AKAP6: variants seen among roughly 807,000 people sequenced by gnomAD.
The protein encoded by AKAP6 is A-kinase anchoring protein 6.
Under a neutral mutation model 188.5 loss-of-function variants are expected in AKAP6, and 58 were observed. The ratio of observed to expected loss-of-function variants is 0.31; its 90% CI spans 0.25 to 0.38. The LOEUF is 0.38. Ranked by LOEUF, AKAP6 falls within the 10% of genes least tolerant of loss-of-function variation. The probability of loss-of-function intolerance (pLI) is 1.00; values close to 1 mark genes in which losing one functional copy is unlikely to be tolerated. For missense variants in AKAP6, 2,710 were observed against 2,740.0 expected (o/e 0.99, Z 0.24); for synonymous variants, 989 against 998.6 (o/e 0.99, Z 0.18).
chr14:32,557,607 T>C (rs1324012409), intron 4 of AKAP6, among the ~76,000 whole-genome samples: 1 of 151,998 alleles, frequency 6.6e-6, no homozygotes. Flanking sequence ...GTTGATGGAG[T>C]GGTAGTGTGC....
chr14:32,821,413 T>A lies in AKAP6; in HGVS notation c.3600T>A (p.Asn1200Lys). Residue 1200 changes from asparagine to lysine, a missense_variant, in exon 13 of 14, where the codon AAT becomes AAA. Around this residue, in one of 2 missense-constraint regions of AKAP6, gnomAD observed 2,473 missense variants for 2,426.1 expected, o/e 1.02. Coordinates refer to ENST00000280979, the MANE Select transcript of AKAP6 (RefSeq NM_004274.5). Reference protein sequence around the residue: ...KKMGKESETLNVIDPGLMDLN... With the variant: ...KKMGKESETLKVIDPGLMDLN... ...TTTCTCTCACACAGGAGACTTTGAATGTGATTGATCCTGGCTTGATGGACC... is the reference window on the plus strand; with the variant it reads ...TTTCTCTCACACAGGAGACTTTGAAAGTGATTGATCCTGGCTTGATGGACC... 1 of 1,603,616 alleles carries A rather than the reference T, an allele frequency of 6.2e-7. No homozygotes were observed. The highest frequency in any genetic ancestry group is 8.5e-7 in the Non-Finnish European group (1 of 1,174,298).
At chr14:32,379,965 T>C (rs910351403) in intron 1 of AKAP6, among the ~76,000 whole-genome samples, 2 of 152,192 alleles carry the variant, frequency 1.3e-5, no homozygotes, top group Admixed American at 6.5e-5. Context: ...ACTTATCACA[T>C]CTTGGAGATG....
At chr14:32,731,654 T>C (rs1379599485) in intron 9 of AKAP6, among the ~76,000 whole-genome samples, 4 of 152,144 alleles carry the variant, frequency 2.6e-5, no homozygotes, top group Admixed American at 6.6e-5. Flanking sequence ...TGTACATTTA[T>C]AAAGTACAGT....
At position 32,568,867 on chromosome 14, in the gene AKAP6, AT is replaced by A. The variant is rs973753983; in HGVS notation, c.2347-8246del. Among the ~76,000 whole-genome samples the A allele has an allele frequency of 6.6e-6, 1 of 152,054 alleles. No homozygotes were observed. The highest frequency in any genetic ancestry group is 1.5e-5 in the Non-Finnish European group (1 of 68,002). On this transcript the variant is annotated intron_variant, in intron 4 of 13. Transcript: ENST00000280979. This position sits in a 1 kb window ranked among gnomAD's most constrained non-coding sequence, Gnocchi z 6.2. Reference sequence around the variant, plus strand: ...CTATTGTTTGTTCCAGTTTATTCCCATTTTTTTATTTGTACCTATTTTTATT... The same window carrying A: ...CTATTGTTTGTTCCAGTTTATTCCCATTTTTTATTTGTACCTATTTTTATT...
intron 12 of AKAP6, among the ~76,000 whole-genome samples, chr14:32,803,290 A>AC (rs1269078073): frequency 1.1e-4 from 11 of 98,084 alleles, no homozygotes; most frequent in African/African-American, 2.8e-4. Context: ...TAAAAAAAAA[A>AC]ACAAAACAAA....
intron 7 of AKAP6, among the ~76,000 whole-genome samples, chr14:32,605,040 G>A (rs961820534): frequency 6.6e-5 from 10 of 152,024 alleles, no homozygotes; most frequent in African/African-American, 2.2e-4. Context: ...TGTTCACATT[G>A]TTCAGCTCCC....
chr14:32,378,404 A>C (rs923049890), intron 1 of AKAP6, among the ~76,000 whole-genome samples: 1 of 152,164 alleles, frequency 6.6e-6, no homozygotes, highest in Admixed American at 6.5e-5. Context: ...TTCCATCTCC[A>C]TCCCTTCCCC....
In AKAP6 at chr14:32,689,400, G is replaced by C. The variant is rs113632807; in HGVS notation, c.2880-6590G>C. 7.0e-3 allele frequency among the ~76,000 whole-genome samples: 1,069 copies of C among 152,154 alleles called. 15 individuals are homozygous for C. Among genetic ancestry groups the C allele is most frequent in the African/African-American group, 0.025 (1,030 of 41,520 alleles). On this transcript the variant is annotated intron_variant, in intron 8 of 13. Coordinates refer to ENST00000280979, the MANE Select transcript of AKAP6 (RefSeq NM_004274.5). ...AGAAAGTGGGGCCAGTTATTAACAA[G>C]TTTGTAGGCTTGATTTTATTTTTCT... is the stretch of plus-strand genomic sequence containing the variant.
chr14:32,763,797 T>C (rs989190701), intron 11 of AKAP6, among the ~76,000 whole-genome samples: 15 of 152,208 alleles, frequency 9.9e-5, no homozygotes, highest in African/African-American at 3.4e-4. Flanking sequence ...TGAATCTCTA[T>C]ATTGGCTGAC....
intron 3 of AKAP6, 130 bp downstream of exon 3, chr14:32,535,935 G>C (rs1244679929): frequency 1.5e-6 from 2 of 1,358,028 alleles, no homozygotes; most frequent in African/African-American, 2.9e-5. Flanking sequence ...TTTGAATCTA[G>C]GCATAGTGAC....
chr14:32,829,412 G>A (rs1594995474), intron 13 of AKAP6, among the ~76,000 whole-genome samples: 1 of 152,122 alleles, frequency 6.6e-6, no homozygotes, highest in South Asian at 2.1e-4. Context: ...TTAAGCCTGA[G>A]AGCCTATCAG....
chr14:32,790,002 A>G (rs1230199637), intron 12 of AKAP6, among the ~76,000 whole-genome samples: 1 of 152,214 alleles, frequency 6.6e-6, no homozygotes, highest in Non-Finnish European at 1.5e-5. Flanking sequence ...TGAAAGCCAG[A>G]ATAGCCAGTT....
At chr14:32,458,631 C>A (rs1891221347) in intron 2 of AKAP6, among the ~76,000 whole-genome samples, 1 of 151,944 alleles carries the variant, frequency 6.6e-6, no homozygotes, top group Admixed American at 6.6e-5. Context: ...AACATCTTTG[C>A]AGACAATAAA....
intron 2 of AKAP6, among the ~76,000 whole-genome samples, chr14:32,465,492 G>A (rs1164517548): frequency 6.6e-6 from 1 of 152,148 alleles, no homozygotes; most frequent in Non-Finnish European, 1.5e-5. Flanking sequence ...ATGGGGCAAG[G>A]ATTCCCTATT....
rs1308399044 is a variant in AKAP6, at chr14:32,568,469, A to G, written c.2347-8651A>G. Among the ~76,000 whole-genome samples, 2 of 152,186 alleles carry G rather than the reference A, an allele frequency of 1.3e-5. No individual in the cohort carries two copies. Among genetic ancestry groups the G allele is most frequent in the Admixed American group, 1.3e-4 (2 of 15,266 alleles). On this transcript the variant is annotated intron_variant, in intron 4 of 13. Transcript: ENST00000280979. The surrounding 1 kb of genome is among the most constrained non-coding windows in gnomAD (Gnocchi z 6.2). The stretch of plus-strand genomic sequence containing the variant: ...ATTGTTAATTATAATACTAGATATG[A>G]AAAACCTACAATTAAACCATTAAAC...
intron 7 of AKAP6, among the ~76,000 whole-genome samples, chr14:32,616,405 T>A (rs1886582450): frequency 6.6e-6 from 1 of 152,152 alleles, no homozygotes; most frequent in African/African-American, 2.4e-5. Context: ...ATAAACACCA[T>A]GGAATACTAT....
rs1334669186 is a variant in AKAP6, at chr14:32,821,899, T to C, written c.4086T>C (p.Ser1362=). 1 of 1,613,938 alleles carries C rather than the reference T, an allele frequency of 6.2e-7. No individual in the cohort carries two copies. The highest frequency in any genetic ancestry group is 1.1e-5 in the South Asian group (1 of 91,072). The change falls in exon 13 of 14, where the codon AGT becomes AGC. Residue 1362 remains serine (S), a synonymous_variant. Coordinates refer to ENST00000280979, the MANE Select transcript of AKAP6 (RefSeq NM_004274.5). ...GAGACATGAGCCAGAATTCAGGCAGTGAGAGTGGAATTGTCAGTGAAGGAG... is the reference window on the plus strand; with the variant it reads ...GAGACATGAGCCAGAATTCAGGCAGCGAGAGTGGAATTGTCAGTGAAGGAG... ...HGGDMSQNSG[S]ESGIVSEGDT... is the part of the protein sequence containing the mutation.
intron 2 of AKAP6, among the ~76,000 whole-genome samples, chr14:32,439,462 T>C (rs186619642): frequency 6.0e-4 from 91 of 152,178 alleles, no homozygotes; most frequent in African/African-American, 2.1e-3. Flanking sequence ...ACCAGGGCAG[T>C]GTGGATAACT....
Position 32,520,345 on chromosome 14 carries a change from T to G in AKAP6, c.325-15209T>G, listed in dbSNP as rs571269181. ...AGCAGAAGGCAAGAATTAACTAAGA[T>G]CAGAGCAGAACTGAAGGAGATAGAG... On this transcript the variant is annotated intron_variant, in intron 2 of 13. Coordinates refer to ENST00000280979, the MANE Select transcript of AKAP6 (RefSeq NM_004274.5). 3.3e-3 allele frequency among the ~76,000 whole-genome samples: 509 copies of G among 152,024 alleles called. 6 individuals carry two copies. The highest frequency in any genetic ancestry group is 0.012 in the African/African-American group (485 of 41,448).
Sources: gnomAD v4.1 joint callset for allele counts (sites outside exome capture counted in the v4.1 genomes callset) on GRCh38, gnomAD v4.1.1 for gene constraint, gnomAD v4.1.1 regional missense constraint, Gnocchi (gnomAD v3.1) non-coding constraint, MANE v1.5 for transcripts, NCBI Gene and HGNC (gene_info 2026-07-23, HGNC 2026-07-21) for gene names.